The following SSH1 variants were observed in gnomAD, a reference collection of about 807,000 sequenced individuals.
SSH1 encodes the protein slingshot protein phosphatase 1, also known as protein phosphatase Slingshot homolog 1.
A neutral mutation model predicts 79.7 loss-of-function variants in SSH1; 43 were observed. The ratio of observed to expected loss-of-function variants is 0.54; its 90% CI spans 0.42 to 0.70. SSH1 has a LOEUF of 0.70. Ranked by LOEUF, SSH1 falls within the 30% of genes least tolerant of loss-of-function variation. The pLI is 0.00. For missense variants in SSH1, 1,206 were observed against 1,358.8 expected (o/e 0.89, Z 1.77); for synonymous variants, 599 against 538.3 (o/e 1.11, Z -1.56).
rs115999586 is a variant in SSH1 at position 108,851,021 on chromosome 12, A to G, written c.110+1617T>C. The stretch of plus-strand genomic sequence containing the variant: ...AGTCTGATCTGCAACTCGGCCCATG[A>G]CTGCCCCCATTGGGAATCCAGCTGC... On this transcript the variant is annotated intron_variant, in intron 2 of 14. Transcript: ENST00000326495. Among the ~76,000 whole-genome samples the G allele has an allele frequency of 6.9e-3, 1,050 of 151,924 alleles. 15 individuals are homozygous for G. Among genetic ancestry groups the G allele is most frequent in the African/African-American group, 0.024 (1,000 of 41,416 alleles).
chr12:108,852,519 C>A (rs956921758), intron 2 of SSH1, 119 bp downstream of exon 2: 17 of 1,286,466 alleles, frequency 1.3e-5, no homozygotes, highest in African/African-American at 8.8e-5. Context: ...CGTGACCCAC[C>A]GCACCCAGCC....
At chr12:108,828,140 C>T (rs2038376934) in intron 2 of SSH1, among the ~76,000 whole-genome samples, 1 of 152,080 alleles carries the variant, frequency 6.6e-6, no homozygotes, top group African/African-American at 2.4e-5. Context: ...GAAAGGGGCT[C>T]GGCTAGGGTT....
Position 108,787,031 on chromosome 12 carries a change from C to T in SSH1, c.*957G>A, listed in dbSNP as rs1025297780. ...AGTCCCGTTCCTTTCGGGGAAGCCG[C>T]TGAAATCTCCTTTCCCTTCCCTAGA... On this transcript the variant is annotated 3_prime_UTR_variant, in exon 15 of 15. Coordinates refer to ENST00000326495, the MANE Select transcript of SSH1 (RefSeq NM_018984.4). 1 of 152,254 alleles carries T rather than the reference C, an allele frequency of 6.6e-6. No individual in the cohort carries two copies. Among genetic ancestry groups the T allele is most frequent in the African/African-American group, 2.4e-5 (1 of 41,456 alleles). The allele number at this position is 152,254 out of a possible 1,614,324, so 9.4% of individuals were successfully genotyped here.
chr12:108,848,563 A>T (rs1354311799), intron 2 of SSH1, among the ~76,000 whole-genome samples: 1 of 152,188 alleles, frequency 6.6e-6, no homozygotes, highest in East Asian at 1.9e-4. Context: ...TCTAGGAGAG[A>T]TTCAGAGAGA....
Position 108,788,234 on chromosome 12 carries a change from G to T in SSH1, c.2904C>A (p.Thr968=). ...GTGAGCGCTTCAGTGGGGAAGAGAC[G>T]GTGAGGCCCGCCAGCCGGAGCCGGG... ...IETRLRLAGL[T]VSSPLKRSHS... The change falls in exon 15 of 15, where the codon ACC becomes ACA. Residue 968 remains threonine, a synonymous_variant. Transcript: ENST00000326495. 7 of 1,613,852 alleles carry T rather than the reference G, an allele frequency of 4.3e-6. No homozygotes were observed. Among genetic ancestry groups the T allele is most frequent in the Non-Finnish European group, 5.9e-6 (7 of 1,180,014 alleles).
At chr12:108,838,757 TC>T (rs1254549545) in intron 2 of SSH1, among the ~76,000 whole-genome samples, 1 of 152,202 alleles carries the variant, frequency 6.6e-6, no homozygotes, top group African/African-American at 2.4e-5. Flanking sequence ...CAGGTATCTA[TC>T]AGGAAGAGTT....
chr12:108,829,421 A>T (rs1400234320), intron 2 of SSH1, among the ~76,000 whole-genome samples: 3 of 151,232 alleles, frequency 2.0e-5, no homozygotes, highest in African/African-American at 7.3e-5. Context: ...ACTCTGATTA[A>T]CCCCTAGAAT....
At chr12:108,791,248 T>C (rs1232368883) in intron 14 of SSH1, among the ~76,000 whole-genome samples, 3 of 152,146 alleles carry the variant, frequency 2.0e-5, no homozygotes, top group African/African-American at 7.2e-5. Context: ...TAGCTGGGAT[T>C]ACAGGCATGC....
intron 2 of SSH1, among the ~76,000 whole-genome samples, chr12:108,831,617 C>G (rs550910269): frequency 6.6e-6 from 1 of 152,170 alleles, no homozygotes; most frequent in East Asian, 1.9e-4. Flanking sequence ...CACAGGGGTT[C>G]AGGGAGGCCT....
chr12:108,802,227 C>T, intron 11 of SSH1, 95 bp downstream of exon 11: 1 of 1,144,636 alleles, frequency 8.7e-7, no homozygotes, highest in Non-Finnish European at 1.3e-6. Flanking sequence ...CAGGCAATTA[C>T]AGGCAGGCAG....
intron 2 of SSH1, among the ~76,000 whole-genome samples, chr12:108,830,981 A>C (rs1213231833): frequency 6.6e-6 from 1 of 152,088 alleles, no homozygotes; most frequent in Non-Finnish European, 1.5e-5. Context: ...CTGTGGACAA[A>C]GCATTCTGGT....
intron 2 of SSH1, among the ~76,000 whole-genome samples, chr12:108,833,108 G>A (rs918543661): frequency 2.6e-5 from 4 of 151,620 alleles, no homozygotes; most frequent in Admixed American, 2.6e-4. Context: ...AAACCAACGG[G>A]TAGCGGCAAG....
intron 5 of SSH1, among the ~76,000 whole-genome samples, chr12:108,812,864 CTT>C (rs11320530): frequency 0.17 from 23,273 of 137,854 alleles, 2,822 homozygotes; most frequent in East Asian, 0.34. Flanking sequence ...TTTTTCTTTT[CTT>C]TTTTTTTTTT....
intron 7 of SSH1, among the ~76,000 whole-genome samples, chr12:108,809,035 T>C (rs1176456032): frequency 2.6e-5 from 4 of 151,896 alleles, no homozygotes; most frequent in East Asian, 1.9e-4. Context: ...CATTTTGCCA[T>C]GTTGGCCAGG....
intron 13 of SSH1, among the ~76,000 whole-genome samples, chr12:108,796,575 G>T (rs1361465519): frequency 2.0e-5 from 3 of 151,952 alleles, no homozygotes; most frequent in South Asian, 4.1e-4. Context: ...AATATGTCAC[G>T]TTTTGTTTGT....
At chr12:108,814,146 C>T (rs1018167998) in intron 5 of SSH1, among the ~76,000 whole-genome samples, 1 of 151,914 alleles carries the variant, frequency 6.6e-6, no homozygotes. Flanking sequence ...ATCGCTTGAA[C>T]GCGGGAGGCA....
In SSH1 at chr12:108,857,582, C is replaced by G. The variant is rs2137311135; in HGVS notation, c.-86G>C. On this transcript the variant is annotated 5_prime_UTR_variant, in exon 1 of 15. Transcript: ENST00000326495. This position sits in a 1 kb window ranked among gnomAD's most constrained non-coding sequence, Gnocchi z 4.7. ...CCGCCCGGGCCGGGCCCGGGGCCTC[C>G]TGGAGCCGCGCGCGGGCGGCCGGGC... 6.0e-6 allele frequency: 5 copies of G among 828,208 alleles called. No individual in the cohort carries two copies. The highest frequency in any genetic ancestry group is 1.2e-4 in the East Asian group (1 of 8,026). The allele number at this position is 828,208 out of a possible 1,614,324, so 51.3% of individuals were successfully genotyped here.
In SSH1 at chr12:108,857,577, G is replaced by C; in HGVS notation, c.-81C>G. On this transcript the variant is annotated 5_prime_UTR_variant, in exon 1 of 15. Transcript: ENST00000326495. This position sits in a 1 kb window ranked among gnomAD's most constrained non-coding sequence, Gnocchi z 4.7. ...CACCGCCGCCCGGGCCGGGCCCGGG[G>C]CCTCCTGGAGCCGCGCGCGGGCGGC... 1.2e-6 allele frequency: 1 copy of C among 828,832 alleles called. No homozygotes were observed. Among genetic ancestry groups the C allele is most frequent in the Non-Finnish European group, 1.4e-6 (1 of 690,184 alleles). The allele number at this position is 828,832 out of a possible 1,614,324, so 51.3% of individuals were successfully genotyped here.
chr12:108,809,854 G>T, intron 6 of SSH1, 96 bp from the exon 7 acceptor site: 1 of 1,027,994 alleles, frequency 9.7e-7, no homozygotes, highest in Non-Finnish European at 1.5e-6. Context: ...CACTGCGCAC[G>T]CTGGGAACAA....
Sources: gnomAD v4.1 joint callset for allele counts (sites outside exome capture counted in the v4.1 genomes callset) on GRCh38, gnomAD v4.1.1 for gene constraint, Gnocchi (gnomAD v3.1) non-coding constraint, MANE v1.5 for transcripts, NCBI Gene and HGNC (gene_info 2026-07-23, HGNC 2026-07-21) for gene names.